The following SLC2A9 variants were observed in gnomAD, a reference collection of about 807,000 sequenced individuals.
The protein encoded by SLC2A9 is solute carrier family 2 member 9.
SLC2A9 carries 39 observed loss-of-function variants against 50.6 expected under a neutral mutation model. The ratio of observed to expected loss-of-function variants is 0.77; its 90% CI spans 0.60 to 1.01. SLC2A9 has a LOEUF of 1.01. Among genes scored for constraint, SLC2A9 ranks in the 50% least tolerant of loss-of-function variants. The pLI, the probability that SLC2A9 is intolerant of heterozygous loss-of-function variation, is 0.00. For missense variants in SLC2A9, 686 were observed against 677.6 expected, an observed-to-expected ratio of 1.01 and a Z score of -0.14; for synonymous variants, 324 against 276.9, an observed-to-expected ratio of 1.17 and a Z score of -1.69.
intron 3 of SLC2A9, among the ~76,000 whole-genome samples, chr4:9,781,491 A>G (rs1718358364): frequency 6.6e-6 from 1 of 151,368 alleles, no homozygotes; most frequent in Non-Finnish European, 1.5e-5. Context: ...CGCCCCTCGG[A>G]CCTGCGGGAT....
chr4:9,933,344 G>A (rs1242490690), intron 6 of SLC2A9, among the ~76,000 whole-genome samples: 1 of 152,198 alleles, frequency 6.6e-6, no homozygotes, highest in Non-Finnish European at 1.5e-5. Flanking sequence ...CAGTGGCTGA[G>A]CTGGGACTGA....
intron 10 of SLC2A9, among the ~76,000 whole-genome samples, chr4:9,862,040 C>T (rs1034208727): frequency 6.6e-6 from 1 of 152,176 alleles, no homozygotes; most frequent in African/African-American, 2.4e-5. Context: ...AATATTCCAC[C>T]CCAAAACACG....
chr4:9,937,680 T>C (rs968050847), intron 6 of SLC2A9, among the ~76,000 whole-genome samples: 2 of 152,178 alleles, frequency 1.3e-5, no homozygotes, highest in Non-Finnish European at 2.9e-5. Flanking sequence ...ACAGCCCCTC[T>C]TCTCTCCTCA....
intron 11 of SLC2A9, among the ~76,000 whole-genome samples, chr4:9,828,668 C>T (rs1401278570): frequency 6.6e-6 from 1 of 152,206 alleles, no homozygotes; most frequent in Non-Finnish European, 1.5e-5. Context: ...GTATATCCTG[C>T]TTTCTTACTC....
chr4:9,783,444 C>A (rs1454287254), intron 3 of SLC2A9: 1 of 1,609,484 alleles, frequency 6.2e-7, no homozygotes, highest in Non-Finnish European at 8.5e-7. Context: ...ACACCTTTCA[C>A]CCCGAATGGA....
chr4:9,772,825 A>AAT (rs577532584), intron 1 of SLC2A9, among the ~76,000 whole-genome samples: 1 of 147,802 alleles, frequency 6.8e-6, no homozygotes, highest in South Asian at 2.1e-4. Context: ...TTTTTTTTTT[A>AAT]TTTTTTTTTT....
At chr4:9,853,357 AT>A (rs1477356945) in intron 10 of SLC2A9, among the ~76,000 whole-genome samples, 7 of 152,270 alleles carry the variant, frequency 4.6e-5, no homozygotes, top group African/African-American at 1.7e-4. Context: ...TGCTATTCTA[AT>A]TTCAGACAAA....
At chr4:9,998,007 T>C (rs1759035441) in intron 2 of SLC2A9, among the ~76,000 whole-genome samples, 1 of 151,904 alleles carries the variant, frequency 6.6e-6, no homozygotes, top group Non-Finnish European at 1.5e-5. Context: ...CCAGAGAAAA[T>C]ACAAATGACT....
chr4:9,892,206 G>A (rs1261045260), intron 8 of SLC2A9, among the ~76,000 whole-genome samples: 1 of 152,270 alleles, frequency 6.6e-6, no homozygotes, highest in Non-Finnish European at 1.5e-5. Flanking sequence ...GCATAGCCCT[G>A]TGGGTCAGCT....
chr4:9,945,990 T>C (rs1267132221), intron 5 of SLC2A9, among the ~76,000 whole-genome samples: 1 of 152,156 alleles, frequency 6.6e-6, no homozygotes, highest in Non-Finnish European at 1.5e-5. Flanking sequence ...GGAAGGCATG[T>C]TTTAAAAAAC....
At chr4:10,038,751 G>A (rs543829233) in intron 1 of SLC2A9, among the ~76,000 whole-genome samples, 4 of 152,090 alleles carry the variant, frequency 2.6e-5, no homozygotes, top group South Asian at 2.1e-4. Context: ...TTCACATCCC[G>A]GGAGAGCCTC....
At chr4:9,809,519 G>T (rs1471447032) in intron 3 of SLC2A9, among the ~76,000 whole-genome samples, 1 of 152,170 alleles carries the variant, frequency 6.6e-6, no homozygotes, top group Non-Finnish European at 1.5e-5. Context: ...GGGCACAAGA[G>T]GAAGAATCGT....
intron 10 of SLC2A9, among the ~76,000 whole-genome samples, chr4:9,850,744 C>T (rs989011745): frequency 6.6e-6 from 1 of 152,130 alleles, no homozygotes; most frequent in Non-Finnish European, 1.5e-5. Context: ...TTTGCTGGTG[C>T]ACTGTGAGTG....
At chr4:9,778,957 G>A (rs544433617), downstream of SLC2A9, among the ~76,000 whole-genome samples, 11 of 152,086 alleles carry the variant, frequency 7.2e-5, no homozygotes, top group African/African-American at 1.9e-4. Flanking sequence ...TAGTAGAGAC[G>A]GGGTTTCACC....
chr4:9,812,473 A>AC (rs1483905314), intron 3 of SLC2A9, among the ~76,000 whole-genome samples: 1 of 152,086 alleles, frequency 6.6e-6, no homozygotes, highest in African/African-American at 2.4e-5. Flanking sequence ...GAAAATACTT[A>AC]ACATAGTTCC....
Position 9,817,281 on chromosome 4 carries a change from G to A in SLC2A9, n.420+9139C>T, listed in dbSNP as rs995072865. 7.9e-5 allele frequency among the ~76,000 whole-genome samples: 12 copies of A among 152,142 alleles called. No homozygotes were observed. In the South Asian group the frequency reaches 8.3e-4, roughly 10 times the overall value. On this transcript the variant is annotated intron_variant and non_coding_transcript_variant, in intron 3 of 3. Coordinates refer to the SLC2A9 transcript ENST00000503280. ...CATACTCGAAGGTTCTTAGGATTACGCCCTGGACATCTTTGAAGGGGCCAT... is the reference window on the plus strand; with the variant it reads ...CATACTCGAAGGTTCTTAGGATTACACCCTGGACATCTTTGAAGGGGCCAT...
chr4:9,882,105 C>T (rs1331835949), intron 10 of SLC2A9, among the ~76,000 whole-genome samples: 2 of 152,224 alleles, frequency 1.3e-5, no homozygotes, highest in Non-Finnish European at 2.9e-5. Context: ...TGAAAATCAA[C>T]ATGCTTTTAA....
intron 3 of SLC2A9, among the ~76,000 whole-genome samples, chr4:9,815,780 GAGC>G (rs1322535908): frequency 2.0e-5 from 3 of 152,198 alleles, no homozygotes; most frequent in African/African-American, 7.2e-5. Flanking sequence ...TGTCTATAAA[GAGC>G]AGCAGCCAAG....
At chr4:9,791,037 C>T (rs1719854699) in intron 3 of SLC2A9, among the ~76,000 whole-genome samples, 1 of 152,178 alleles carries the variant, frequency 6.6e-6, no homozygotes, top group Non-Finnish European at 1.5e-5. Flanking sequence ...AATAGCTAAA[C>T]TCAAACCTCA....
Sources: gnomAD v4.1 joint callset for allele counts (sites outside exome capture counted in the v4.1 genomes callset) on GRCh38, gnomAD v4.1.1 for gene constraint, MANE v1.5 for transcripts, NCBI Gene and HGNC (gene_info 2026-07-23, HGNC 2026-07-21) for gene names.